MACO1: variants seen among roughly 807,000 people sequenced by gnomAD.
The protein encoded by MACO1 is macoilin 1.
A neutral mutation model predicts 78.7 loss-of-function variants in MACO1; 14 were observed. That is an observed-to-expected ratio of 0.18 (90% CI 0.12 to 0.28). The LOEUF is 0.28. MACO1 is among the 10% of genes least tolerant of loss of function. The pLI is 1.00. For synonymous variants in MACO1, 288 were observed against 291.6 expected, an observed-to-expected ratio of 0.99 and a Z score of 0.12; for missense variants, 501 against 799.0, an observed-to-expected ratio of 0.63 and a Z score of 4.50.
chr1:25,471,242 G>A (rs1333108365), intron 6 of MACO1, among the ~76,000 whole-genome samples: 1 of 151,634 alleles, frequency 6.6e-6, no homozygotes, highest in Non-Finnish European at 1.5e-5. Context: ...AAGAGGCTGA[G>A]GCATGCAACT....
At chr1:25,476,274 C>A (rs2043321100) in intron 6 of MACO1, among the ~76,000 whole-genome samples, 2 of 152,134 alleles carry the variant, frequency 1.3e-5, no homozygotes, top group Non-Finnish European at 2.9e-5. Flanking sequence ...AATGTGTTTG[C>A]CTTTTGTGTT....
Position 25,446,907 on chromosome 1 carries a change from T to C in MACO1, c.222+4T>C, listed in dbSNP as rs764683797. On this transcript the variant is annotated splice_donor_region_variant and intron_variant, in intron 2 of 10. Transcript: ENST00000374343. The stretch of plus-strand genomic sequence containing the variant: ...TTCCTTCAGATACCAGGGACTGGTA[T>C]GTCTGGTAATACATGTTTTCCATGT... 1.9e-6 allele frequency: 3 copies of C among 1,610,678 alleles called. No homozygotes were observed. The highest frequency in any genetic ancestry group is 2.5e-6 in the Non-Finnish European group (3 of 1,178,908).
chr1:25,496,287 A>T (rs527679960), intron 10 of MACO1, among the ~76,000 whole-genome samples: 22 of 151,928 alleles, frequency 1.4e-4, no homozygotes, highest in Non-Finnish European at 2.6e-4. Flanking sequence ...AGCTAGGATT[A>T]CAGGTGTGAA....
chr1:25,455,648 C>T (rs145528249), intron 4 of MACO1, among the ~76,000 whole-genome samples: 3 of 152,190 alleles, frequency 2.0e-5, no homozygotes, highest in East Asian at 3.9e-4. Context: ...AACTTTCTAT[C>T]CCAGAGATTA....
At chr1:25,492,357 A>C (rs2043493779) in intron 10 of MACO1, among the ~76,000 whole-genome samples, 1 of 152,150 alleles carries the variant, frequency 6.6e-6, no homozygotes, top group Admixed American at 6.5e-5. Context: ...GACAGAACGT[A>C]TGTGGCAGGG....
rs2043571459 is a variant in MACO1 at position 25,499,831 on chromosome 1, A to C, written c.*1365A>C. 1 of 152,216 alleles carries C rather than the reference A, an allele frequency of 6.6e-6. No individual in the cohort carries two copies. The highest frequency in any genetic ancestry group is 2.1e-4 in the South Asian group (1 of 4,824). The allele number at this position is 152,216 out of a possible 1,614,324, so 9.4% of individuals were successfully genotyped here. ...CTTCTAAAATTTCCTGTTAATTGGC[A>C]TGTACGTCTCATTTAAAGCAAATTA... On this transcript the variant is annotated 3_prime_UTR_variant, in exon 11 of 11. Transcript: ENST00000374343.
intron 1 of MACO1, among the ~76,000 whole-genome samples, chr1:25,444,258 TTAAA>T (rs914203310): frequency 2.0e-5 from 3 of 151,548 alleles, no homozygotes. Context: ...AACTCAGTCT[TTAAA>T]TAAATAAATA....
intron 3 of MACO1, 25 bp downstream of exon 3, chr1:25,448,959 G>T (rs377541614): frequency 5.0e-6 from 7 of 1,400,888 alleles, no homozygotes; most frequent in Non-Finnish European, 6.6e-6. Flanking sequence ...TTTCTTAGAT[G>T]GATAGAAATC....
In MACO1 at chr1:25,446,833, G is replaced by A. The variant is rs1274851672; in HGVS notation, c.152G>A (p.Arg51Lys). Residue 51 changes from arginine (R) to lysine (K), a missense_variant, in exon 2 of 11, where the codon AGA becomes AAA. By Grantham distance (26) the Arg-to-Lys change is conservative. Coordinates refer to ENST00000374343, the MANE Select transcript of MACO1 (RefSeq NM_018202.6). ...VLLADFVLEF[R>K]FEYLWPFWLF... is the part of the protein sequence containing the mutation. ...CTAGCAGATTTTGTCCTGGAGTTCAGATTTGAATACCTGTGGCCATTCTGG... is the reference window on the plus strand; with the variant it reads ...CTAGCAGATTTTGTCCTGGAGTTCAAATTTGAATACCTGTGGCCATTCTGG... 1 of 1,614,014 alleles carries A rather than the reference G, an allele frequency of 6.2e-7. No individual in the cohort carries two copies. Among genetic ancestry groups the A allele is most frequent in the Non-Finnish European group, 8.5e-7 (1 of 1,179,954 alleles).
rs752591875 is a variant in MACO1, at chr1:25,431,141, C to A, written c.43C>A (p.Leu15Ile). The part of the protein sequence containing the change: ...NADCSKLRRP[L>I]KRNRITEGIY... ...CGACTGCAGTAAGCTCCGCCGCCCC[C>A]TAAAGCGGAACCGGATCACCGAGGG... The change falls in exon 1 of 11, where the codon CTA becomes ATA. Residue 15 changes from leucine (L) to isoleucine (I), a missense_variant. This residue lies in a region of MACO1 where 171 missense variants were observed against 292.1 expected (regional missense o/e 0.59). Transcript: ENST00000374343. The A allele has an allele frequency of 2.5e-6, 4 of 1,599,038 alleles. No homozygotes were observed. In the South Asian group the frequency reaches 4.5e-5, roughly 18 times the overall value.
At chr1:25,440,902 G>C (rs1465460051) in intron 1 of MACO1, among the ~76,000 whole-genome samples, 1 of 152,194 alleles carries the variant, frequency 6.6e-6, no homozygotes, top group Non-Finnish European at 1.5e-5. Context: ...GCTGTCGTCA[G>C]AGCCAGTGGC....
At chr1:25,454,430 G>GTA (rs759107017) in intron 4 of MACO1, 48 bp downstream of exon 4, 101 of 1,038,858 alleles carry the variant, frequency 9.7e-5, no homozygotes, top group Admixed American at 1.4e-4. Context: ...ATGTGTGTAT[G>GTA]TATATATATG....
In MACO1 at chr1:25,498,536, C is replaced by A; in HGVS notation, c.*70C>A. On this transcript the variant is annotated 3_prime_UTR_variant, in exon 11 of 11. Transcript: ENST00000374343. ...ATTGCAAAGGAGCGTCTCTGGCAGT[C>A]AAGATAAAAAAACAGTTTCTATTGT... 1 of 1,389,462 alleles carries A rather than the reference C, an allele frequency of 7.2e-7. No individual in the cohort carries two copies. The highest frequency in any genetic ancestry group is 9.8e-7 in the Non-Finnish European group (1 of 1,019,750). The allele number at this position is 1,389,462 out of a possible 1,614,324, so 86.1% of individuals were successfully genotyped here.
intron 2 of MACO1, among the ~76,000 whole-genome samples, chr1:25,448,414 A>G (rs1241847363): frequency 6.6e-6 from 1 of 152,174 alleles, no homozygotes; most frequent in Non-Finnish European, 1.5e-5. Context: ...CAGTGAGCCA[A>G]GATCGCACCA....
At chr1:25,494,007 A>G (rs1003566063) in intron 10 of MACO1, among the ~76,000 whole-genome samples, 3 of 152,186 alleles carry the variant, frequency 2.0e-5, no homozygotes, top group Non-Finnish European at 2.9e-5. Flanking sequence ...CTGGGATTAC[A>G]GGCGTGAGCC....
chr1:25,445,298 C>CAA (rs200267893), intron 1 of MACO1, among the ~76,000 whole-genome samples: 4 of 107,200 alleles, frequency 3.7e-5, no homozygotes, highest in African/African-American at 1.0e-4. Flanking sequence ...GACCCTGTCT[C>CAA]AAAAAAAAAA....
chr1:25,439,591 G>A (rs1262438756), intron 1 of MACO1, among the ~76,000 whole-genome samples: 1 of 151,566 alleles, frequency 6.6e-6, no homozygotes, highest in Non-Finnish European at 1.5e-5. Flanking sequence ...CCCTTTTTTG[G>A]ATTTTATACA....
At position 25,480,928 on chromosome 1, in the gene MACO1, AAATATATATATATATATAT is replaced by A. The variant is rs1179820583; in HGVS notation, c.1155-3186_1155-3168del. ...GAGACTTGGTTAAAAAAAAAAAAAA[AAATATATATATATATATAT>A]ATATATATATATATATATATATATA... On this transcript the variant is annotated intron_variant, in intron 6 of 10. Transcript: ENST00000374343. Among the ~76,000 whole-genome samples the A allele has an allele frequency of 1.4e-3, 38 of 26,902 alleles. 4 individuals are homozygous for A. Among genetic ancestry groups the A allele is most frequent in the African/African-American group, 4.5e-3 (37 of 8,266 alleles). The allele number at this position is 26,902 out of a possible 152,430, so 17.6% of individuals were successfully genotyped here.
Position 25,446,847 on chromosome 1 carries a change from T to A in MACO1, c.166T>A (p.Trp56Arg), listed in dbSNP as rs1216050393. Residue 56 changes from tryptophan to arginine, a missense_variant, in exon 2 of 11, where the codon TGG (tryptophan) becomes AGG (arginine). Trp to Arg is a moderately radical substitution (Grantham distance 101, BLOSUM62 -3). Transcript: ENST00000374343. ...CCTGGAGTTCAGATTTGAATACCTG[T>A]GGCCATTCTGGCTTTTCATCAGAAG... The part of the protein sequence containing the change: ...FVLEFRFEYL[W>R]PFWLFIRSVY... The A allele has an allele frequency of 1.9e-6, 3 of 1,613,960 alleles. No individual in the cohort carries two copies. In the African/African-American group the frequency reaches 4.0e-5, roughly 22 times the overall value.
Sources: gnomAD v4.1 joint callset for allele counts (sites outside exome capture counted in the v4.1 genomes callset) on GRCh38, gnomAD v4.1.1 for gene constraint, gnomAD v4.1.1 regional missense constraint, MANE v1.5 for transcripts, NCBI Gene and HGNC (gene_info 2026-07-23, HGNC 2026-07-21) for gene names.